The following ANKS1B variants were observed in gnomAD, a reference collection of about 807,000 sequenced individuals.
ANKS1B encodes ankyrin repeat and sterile alpha motif domain containing 1B.
A neutral mutation model predicts 148.3 loss-of-function variants in ANKS1B; 36 were observed. That is an observed-to-expected ratio of 0.24 (90% CI 0.19 to 0.32). The LOEUF is 0.32. ANKS1B is among the 10% of genes least tolerant of loss of function. The pLI, the probability that ANKS1B is intolerant of heterozygous loss-of-function variation, is 1.00. For missense variants in ANKS1B, 1,157 were observed against 1,542.6 expected, an observed-to-expected ratio of 0.75 and a Z score of 4.19; for synonymous variants, 542 against 560.8, an observed-to-expected ratio of 0.97 and a Z score of 0.47.
intron 8 of ANKS1B, among the ~76,000 whole-genome samples, chr12:99,725,102 T>A (rs2058486402): frequency 6.6e-6 from 1 of 152,108 alleles, no homozygotes; most frequent in Non-Finnish European, 1.5e-5. Flanking sequence ...CATCAACTAG[T>A]GTGCAAAATA....
intron 17 of ANKS1B, among the ~76,000 whole-genome samples, chr12:98,881,080 T>C (rs1238447606): frequency 6.6e-6 from 1 of 152,194 alleles, no homozygotes; most frequent in African/African-American, 2.4e-5. Flanking sequence ...CGTATATCAC[T>C]GCAAATAATA....
intron 1 of ANKS1B, among the ~76,000 whole-genome samples, chr12:99,909,490 G>T (rs1038547028): frequency 2.6e-5 from 4 of 151,988 alleles, no homozygotes; most frequent in African/African-American, 9.7e-5. Context: ...TTCCATAGTG[G>T]CTGCACTAAT....
At chr12:99,076,945 G>A (rs183014895) in intron 16 of ANKS1B, among the ~76,000 whole-genome samples, 37 of 152,194 alleles carry the variant, frequency 2.4e-4, no homozygotes, top group Non-Finnish European at 4.7e-4. Flanking sequence ...CATATGGCCA[G>A]CAGAGTATAA....
At chr12:98,916,274 G>A (rs1030093373) in intron 17 of ANKS1B, among the ~76,000 whole-genome samples, 1 of 152,240 alleles carries the variant, frequency 6.6e-6, no homozygotes, top group Non-Finnish European at 1.5e-5. Context: ...TGATGTCACA[G>A]CGGAATATAC....
chr12:99,276,478 A>G (rs2077686921), intron 12 of ANKS1B, among the ~76,000 whole-genome samples: 1 of 152,140 alleles, frequency 6.6e-6, no homozygotes, highest in Admixed American at 6.5e-5. Flanking sequence ...GACACTTGAG[A>G]TGTGTTTACA....
intron 14 of ANKS1B, among the ~76,000 whole-genome samples, chr12:99,183,453 C>A (rs1168623874): frequency 6.6e-6 from 1 of 152,124 alleles, no homozygotes; most frequent in Non-Finnish European, 1.5e-5. Flanking sequence ...ACCAGCCTGG[C>A]CAACATGGTG....
At chr12:99,134,685 A>T (rs1024560476) in intron 15 of ANKS1B, among the ~76,000 whole-genome samples, 1 of 136,964 alleles carries the variant, frequency 7.3e-6, no homozygotes, top group Non-Finnish European at 1.6e-5. Flanking sequence ...ACACACACAC[A>T]CACACACACA....
chr12:99,319,159 G>A (rs1233388687), intron 12 of ANKS1B, among the ~76,000 whole-genome samples: 2 of 152,136 alleles, frequency 1.3e-5, no homozygotes, highest in Non-Finnish European at 2.9e-5. Flanking sequence ...CTTGATTTGG[G>A]GTGGAGAGTT....
At chr12:99,214,684 C>G (rs973064035) in intron 14 of ANKS1B, among the ~76,000 whole-genome samples, 5 of 152,040 alleles carry the variant, frequency 3.3e-5, no homozygotes, top group Admixed American at 1.3e-4. Context: ...TAAACTGGTA[C>G]CAGTAGAGTG....
At chr12:99,799,516 C>G (rs1470326715) in intron 4 of ANKS1B, among the ~76,000 whole-genome samples, 1 of 152,130 alleles carries the variant, frequency 6.6e-6, no homozygotes, top group Admixed American at 6.6e-5. Flanking sequence ...TAGTCTATAA[C>G]TCCATGGGAG....
intron 1 of ANKS1B, among the ~76,000 whole-genome samples, chr12:99,907,608 G>T (rs1177612583): frequency 1.3e-5 from 2 of 152,068 alleles, no homozygotes; most frequent in African/African-American, 4.8e-5. Context: ...CGTCAGCAGG[G>T]ATGGACACTG....
intron 1 of ANKS1B, among the ~76,000 whole-genome samples, chr12:99,865,535 A>G (rs1375373789): frequency 6.6e-6 from 1 of 152,224 alleles, no homozygotes; most frequent in East Asian, 1.9e-4. Flanking sequence ...AAATCCTGGC[A>G]GTTATCAATG....
intron 17 of ANKS1B, among the ~76,000 whole-genome samples, chr12:98,838,587 C>T (rs758858144): frequency 7.2e-5 from 11 of 152,186 alleles, no homozygotes; most frequent in Non-Finnish European, 1.5e-4. Context: ...CACCACCAGG[C>T]GACTGCATCC....
chr12:98,991,577 A>C (rs2099926609), intron 17 of ANKS1B, among the ~76,000 whole-genome samples: 1 of 152,204 alleles, frequency 6.6e-6, no homozygotes, highest in Admixed American at 6.5e-5. Context: ...ACAATCTAAT[A>C]ATAATAGTAA....
At chr12:98,846,025 C>CACATATAT (rs112172281) in intron 17 of ANKS1B, among the ~76,000 whole-genome samples, 13 of 149,868 alleles carry the variant, frequency 8.7e-5, no homozygotes, top group South Asian at 2.1e-4. Flanking sequence ...CACATACACA[C>CACATATAT]ATATATATAT....
At chr12:99,077,846 T>C (rs923090897) in intron 16 of ANKS1B, among the ~76,000 whole-genome samples, 1 of 152,212 alleles carries the variant, frequency 6.6e-6, no homozygotes, top group East Asian at 1.9e-4. Flanking sequence ...GTCACATTCC[T>C]AATACTCCTT....
At chr12:99,791,366 C>G (rs569624273) in intron 4 of ANKS1B, among the ~76,000 whole-genome samples, 126 of 152,070 alleles carry the variant, frequency 8.3e-4, no homozygotes, top group African/African-American at 2.0e-3. Context: ...TTGGATAGAT[C>G]TTCCAGACAG....
intron 12 of ANKS1B, among the ~76,000 whole-genome samples, chr12:99,386,030 T>G (rs528865793): frequency 4.1e-4 from 62 of 152,336 alleles, no homozygotes; most frequent in Non-Finnish European, 6.0e-4. Context: ...TAGCTTTCCA[T>G]AGTCAACTCC....
At chr12:98,752,621 T>C (rs1316433487) in intron 25 of ANKS1B, among the ~76,000 whole-genome samples, 4 of 152,146 alleles carry the variant, frequency 2.6e-5, no homozygotes, top group Non-Finnish European at 5.9e-5. Context: ...ATTTTTGGTT[T>C]ACACACTGAT....
Sources: gnomAD v4.1 joint callset for allele counts (sites outside exome capture counted in the v4.1 genomes callset) on GRCh38, gnomAD v4.1.1 for gene constraint, MANE v1.5 for transcripts, NCBI Gene and HGNC (gene_info 2026-07-23, HGNC 2026-07-21) for gene names.